ZC3H14: variants seen among roughly 807,000 people sequenced by gnomAD.
ZC3H14 encodes the protein zinc finger CCCH-type containing 14.
In ZC3H14, 31 loss-of-function variants were observed where a neutral mutation model predicts 92.4. That is an observed-to-expected ratio of 0.34 (90% CI 0.25 to 0.45). ZC3H14 has a LOEUF of 0.45. ZC3H14 is among the 20% of genes least tolerant of loss of function. The probability of loss-of-function intolerance (pLI) is 1.00; values close to 1 mark genes in which losing one functional copy is unlikely to be tolerated. For synonymous variants in ZC3H14, 321 were observed against 300.9 expected, an observed-to-expected ratio of 1.07 and a Z score of -0.69; for missense variants, 781 against 897.3, an observed-to-expected ratio of 0.87 and a Z score of 1.66.
In ZC3H14 at chr14:88,578,055, G is replaced by T; in HGVS notation, c.1194G>T (p.Val398=). Residue 398 remains valine (V), a synonymous_variant, in exon 9 of 17, where the codon GTG becomes GTT. Coordinates refer to ENST00000251038, the MANE Select transcript of ZC3H14 (RefSeq NM_024824.5). ...CTCAAGAAGAATTGCTAGCAGAAGT[G>T]GTCCAGGGACAAAGTAGGACCCCCA... ...RTSQEELLAE[V]VQGQSRTPRI... is the part of the protein sequence containing the mutation. 6.2e-7 allele frequency: 1 copy of T among 1,614,084 alleles called. No individual in the cohort carries two copies. Among genetic ancestry groups the T allele is most frequent in the East Asian group, 2.2e-5 (1 of 44,886 alleles).
At chr14:88,581,444 C>G (rs1004316955) in intron 9 of ZC3H14, among the ~76,000 whole-genome samples, 7 of 152,082 alleles carry the variant, frequency 4.6e-5, no homozygotes, top group Admixed American at 1.3e-4. Context: ...GCCTGTAGTC[C>G]TAGCTACTCG....
intron 10 of ZC3H14, among the ~76,000 whole-genome samples, chr14:88,600,126 C>T (rs1251998019): frequency 1.3e-5 from 2 of 152,188 alleles, no homozygotes; most frequent in Non-Finnish European, 2.9e-5. Flanking sequence ...GTATCTTTGC[C>T]CCTTTTAACT....
intron 10 of ZC3H14, among the ~76,000 whole-genome samples, chr14:88,599,104 C>A (rs2084248622): frequency 6.6e-6 from 1 of 152,118 alleles, no homozygotes; most frequent in Non-Finnish European, 1.5e-5. Context: ...AAAACAGATA[C>A]ATGGAATTAG....
At chr14:88,608,541 G>C (rs77631094) in intron 13 of ZC3H14, 2 of 251,470 alleles carry the variant, frequency 8.0e-6, no homozygotes, top group Non-Finnish European at 1.6e-5. Context: ...AGGCAAGGGT[G>C]GGGGGGCTTT....
Position 88,563,042 on chromosome 14 carries a change from C to T in ZC3H14, c.-92C>T, listed in dbSNP as rs1426185521. ...GCCGGGGGCGGAACGGAGGAGGAGG[C>T]GGTGGTGTCCCGGCTGCGGGGTAGG... On this transcript the variant is annotated 5_prime_UTR_variant, in exon 1 of 17. Coordinates refer to ENST00000251038, the MANE Select transcript of ZC3H14 (RefSeq NM_024824.5). 4.6e-6 allele frequency: 7 copies of T among 1,510,760 alleles called. No homozygotes were observed. Among genetic ancestry groups the T allele is most frequent in the African/African-American group, 2.8e-5 (2 of 71,676 alleles). The allele number at this position is 1,510,760 out of a possible 1,614,324, so 93.6% of individuals were successfully genotyped here.
rs1362129467 is a variant in ZC3H14, at chr14:88,612,306, T to C, written c.*555T>C. The C allele has an allele frequency of 6.4e-6, 1 of 156,610 alleles. No individual in the cohort carries two copies. The highest frequency in any genetic ancestry group is 2.4e-5 in the African/African-American group (1 of 41,452). 9.7% of individuals were successfully genotyped at this position (156,610 alleles called of 1,614,324 possible). ...TTTGAAAAGCATGATTATACAGGCCTCTCAGGCTGAGTGCTACTTTGGTAA... is the reference window on the plus strand; with the variant it reads ...TTTGAAAAGCATGATTATACAGGCCCCTCAGGCTGAGTGCTACTTTGGTAA... On this transcript the variant is annotated 3_prime_UTR_variant, in exon 17 of 17. Coordinates refer to ENST00000251038, the MANE Select transcript of ZC3H14 (RefSeq NM_024824.5).
chr14:88,571,147 T>TTAATTTC, intron 4 of ZC3H14, 23 bp downstream of exon 4: 1 of 1,569,574 alleles, frequency 6.4e-7, no homozygotes, highest in Non-Finnish European at 8.7e-7. Context: ...ACTTTTTTTT[T>TTAATTTC]TAATTTCTGC....
rs1189799561 is a variant in ZC3H14 at position 88,624,298 on chromosome 14, C to T, written c.*12547C>T. 2 of 152,420 alleles carry T rather than the reference C, an allele frequency of 1.3e-5. No homozygotes were observed. The highest frequency in any genetic ancestry group is 2.9e-5 in the Non-Finnish European group (2 of 68,320). 9.4% of individuals were successfully genotyped at this position (152,420 alleles called of 1,614,324 possible). A position where few individuals can be genotyped will look rare whatever the true frequency, so the allele number is the denominator to read the frequency against. On this transcript the variant is annotated 3_prime_UTR_variant, in exon 17 of 17. Coordinates refer to ENST00000251038, the MANE Select transcript of ZC3H14 (RefSeq NM_024824.5). ...CCATGTTGCCCAGGCTGGTCTTGAACTCCTGGGCTCAAGCGATCCACCTGC... is the reference window on the plus strand; with the variant it reads ...CCATGTTGCCCAGGCTGGTCTTGAATTCCTGGGCTCAAGCGATCCACCTGC...
At chr14:88,565,892 G>A (rs1306281968) in intron 2 of ZC3H14, among the ~76,000 whole-genome samples, 1 of 151,278 alleles carries the variant, frequency 6.6e-6, no homozygotes, top group African/African-American at 2.4e-5. Flanking sequence ...TTTTGAGATG[G>A]GGTCTCACTC....
chr14:88,618,805 G>C lies in ZC3H14; in HGVS notation c.*7054G>C. On this transcript the variant is annotated 3_prime_UTR_variant, in exon 17 of 17. Coordinates refer to ENST00000251038, the MANE Select transcript of ZC3H14 (RefSeq NM_024824.5). ...CCTACTGCCAGATACCGGGAATCCG[G>C]ACTAAATCTGAATCAAAACAAAACG... 6.3e-7 allele frequency: 1 copy of C among 1,580,376 alleles called. No homozygotes were observed. The highest frequency in any genetic ancestry group is 8.6e-7 in the Non-Finnish European group (1 of 1,161,986).
Position 88,614,386 on chromosome 14 carries a change from A to G in ZC3H14, c.*2635A>G, listed in dbSNP as rs1276388312. On this transcript the variant is annotated 3_prime_UTR_variant, in exon 17 of 17. Transcript: ENST00000251038. ...CACAGCTATTTAGAGCTTTAAAACT[A>G]CCAGGTTCAATCACTGGTTATGCTT... is the stretch of plus-strand genomic sequence containing the variant. 2 of 152,206 alleles carry G rather than the reference A, an allele frequency of 1.3e-5. No homozygotes were observed. Among genetic ancestry groups the G allele is most frequent in the Admixed American group, 6.5e-5 (1 of 15,280 alleles). The allele number at this position is 152,206 out of a possible 1,614,324, so 9.4% of individuals were successfully genotyped here. A position where few individuals can be genotyped will look rare whatever the true frequency, so the allele number is the denominator to read the frequency against.
Position 88,572,521 on chromosome 14 carries a change from AT to A in ZC3H14, c.432-54del, listed in dbSNP as rs1288569371. 15 of 1,595,712 alleles carry A rather than the reference AT, an allele frequency of 9.4e-6. No individual in the cohort carries two copies. The African/African-American group carries it at 1.7e-4, about 19-fold the overall frequency. ...TTTTTCAAGTAAACATTCTTTAAAG[AT>A]TTGGTGATAATTGCCCTAATTTGGC... is the stretch of plus-strand genomic sequence containing the variant. On this transcript the variant is annotated intron_variant, in intron 5 of 16. Transcript: ENST00000251038.
rs1394706266 is a variant in ZC3H14, at chr14:88,623,841, C to A, written c.*12090C>A. On this transcript the variant is annotated 3_prime_UTR_variant, in exon 17 of 17. Transcript: ENST00000251038. Reference sequence around the variant, plus strand: ...GCAGGAGTAAATGACGTGGGAAATACAAGTGTTGGAGGACGAAATAGAGCC... The same window carrying A: ...GCAGGAGTAAATGACGTGGGAAATAAAAGTGTTGGAGGACGAAATAGAGCC... 1 of 152,162 alleles carries A rather than the reference C, an allele frequency of 6.6e-6. No individual in the cohort carries two copies. Among genetic ancestry groups the A allele is most frequent in the African/African-American group, 2.4e-5 (1 of 41,442 alleles). The allele number at this position is 152,162 out of a possible 1,614,324, so 9.4% of individuals were successfully genotyped here.
In ZC3H14 at chr14:88,580,833, G is replaced by A. The variant is rs567783468; in HGVS notation, c.1279+2693G>A. On this transcript the variant is annotated intron_variant, in intron 9 of 16. Coordinates refer to ENST00000251038, the MANE Select transcript of ZC3H14 (RefSeq NM_024824.5). ...AATGATTTGGACATTCAGGCAAAAG[G>A]GGCACATGACTTAGAAGAAAAGGAA... Among the ~76,000 whole-genome samples the A allele has an allele frequency of 2.6e-5, 4 of 152,216 alleles. No individual in the cohort carries two copies. The East Asian group carries it at 5.8e-4, about 22-fold the overall frequency.
chr14:88,569,584 G>A (rs915835404), intron 3 of ZC3H14, among the ~76,000 whole-genome samples: 7 of 152,078 alleles, frequency 4.6e-5, no homozygotes, highest in South Asian at 2.1e-4. Flanking sequence ...ATAGACAGAC[G>A]AAATACTTTA....
intron 16 of ZC3H14, 103 bp from the exon 17 acceptor site, chr14:88,611,642 A>G: frequency 7.3e-7 from 1 of 1,377,680 alleles, no homozygotes; most frequent in Non-Finnish European, 1.0e-6. Context: ...TCTTATGACC[A>G]AATATTTATT....
intron 1 of ZC3H14, chr14:88,563,405 G>T: frequency 7.0e-7 from 1 of 1,431,262 alleles, no homozygotes; most frequent in African/African-American, 1.5e-5. Flanking sequence ...CGCAGGCCCG[G>T]CTGGAGCCAC....
intron 13 of ZC3H14, chr14:88,608,281 A>C (rs2085936671): frequency 2.2e-6 from 1 of 461,452 alleles, no homozygotes; most frequent in Non-Finnish European, 4.2e-6. Context: ...CCTGCAAGTG[A>C]ATACCATCCC....
intron 9 of ZC3H14, among the ~76,000 whole-genome samples, chr14:88,588,026 G>A (rs112355140): frequency 2.6e-5 from 4 of 152,172 alleles, no homozygotes; most frequent in African/African-American, 9.6e-5. Flanking sequence ...ACTCTCTAGA[G>A]TTTTTTTAAT....
Sources: gnomAD v4.1 joint callset for allele counts (sites outside exome capture counted in the v4.1 genomes callset) on GRCh38, gnomAD v4.1.1 for gene constraint, MANE v1.5 for transcripts, NCBI Gene and HGNC (gene_info 2026-07-23, HGNC 2026-07-21) for gene names.